Variants in NEK1 observed in about 807,000 individuals in gnomAD.
NEK1 encodes the protein serine/threonine-protein kinase Nek1.
Under a neutral mutation model 182.1 loss-of-function variants are expected in NEK1, and 137 were observed. That is an observed-to-expected ratio of 0.75 (90% CI 0.65 to 0.87). The LOEUF (loss-of-function observed/expected upper bound fraction) is 0.87, where lower values mean the gene tolerates loss of function less well. Ranked by LOEUF, NEK1 falls within the 40% of genes least tolerant of loss-of-function variation. The pLI is 0.00. For missense variants in NEK1, 1,391 were observed against 1,494.4 expected (o/e 0.93, Z 1.14); for synonymous variants, 513 against 492.2 (o/e 1.04, Z -0.56).
chr4:169,444,449 A>G (rs969685409), intron 27 of NEK1, among the ~76,000 whole-genome samples: 1 of 152,188 alleles, frequency 6.6e-6, no homozygotes, highest in African/African-American at 2.4e-5. Context: ...ACAAAAAAAG[A>G]GTGGGAGAAG....
At chr4:169,459,772 C>G (rs561371662) in intron 27 of NEK1, among the ~76,000 whole-genome samples, 30 of 152,184 alleles carry the variant, frequency 2.0e-4, no homozygotes, top group South Asian at 4.1e-4. Flanking sequence ...GTGAAACCAT[C>G]CAATCTGAAA....
rs34324114 is a variant in NEK1 at position 169,477,323 on chromosome 4, A to C, written c.2235T>G (p.Asn745Lys). ...CATCTTCTTGAGCTTTAAGATTTTC[A>C]TTTAATCTACGAAGTATTTCTCGCT... is the stretch of plus-strand genomic sequence containing the variant. ...SSKREILRRL[N>K]ENLKAQEDEK... Residue 745 changes from asparagine to lysine, a missense_variant, in exon 26 of 36, where the codon AAT (asparagine) becomes AAG (lysine). Asn to Lys is a moderately conservative substitution (Grantham distance 94). Transcript: ENST00000507142. 8,332 of 1,578,452 alleles carry C rather than the reference A, an allele frequency of 5.3e-3. 42 individuals carry two copies. Among genetic ancestry groups the C allele is most frequent in the Non-Finnish European group, 6.0e-3 (6,906 of 1,160,224 alleles).
At chr4:169,414,189 A>G (rs1191118932) in intron 31 of NEK1, among the ~76,000 whole-genome samples, 1 of 152,198 alleles carries the variant, frequency 6.6e-6, no homozygotes, top group Non-Finnish European at 1.5e-5. Flanking sequence ...AAAAAATATT[A>G]ATAATTGTGA....
intron 23 of NEK1, among the ~76,000 whole-genome samples, chr4:169,489,186 C>T (rs1378265042): frequency 9.9e-5 from 15 of 152,106 alleles, no homozygotes; most frequent in Admixed American, 9.8e-4. Context: ...TGTTACTATT[C>T]ACCAGGTACC....
At position 169,441,160 on chromosome 4, in the gene NEK1, G is replaced by GC. The variant is rs1561192468; in HGVS notation, c.2588-2902dup. On this transcript the variant is annotated intron_variant, in intron 27 of 35. Transcript: ENST00000507142. The stretch of plus-strand genomic sequence containing the variant: ...TGCCCCTGGGAAAAAGGGAGCTGAA[G>GC]CATGTGCTCCCCAGAGCCTGGGAGC... Among the ~76,000 whole-genome samples the GC allele has an allele frequency of 1.2e-4, 19 of 152,342 alleles. 1 individual carries two copies. The South Asian group carries it at 3.9e-3, about 32-fold the overall frequency.
chr4:169,587,620 A>G lies in NEK1; in HGVS notation c.552-7T>C. 6.6e-7 allele frequency: 1 copy of G among 1,521,560 alleles called. No homozygotes were observed. Among genetic ancestry groups the G allele is most frequent in the Non-Finnish European group, 8.9e-7 (1 of 1,122,364 alleles). The allele number at this position is 1,521,560 out of a possible 1,614,324, so 94.3% of individuals were successfully genotyped here. A position where few individuals can be genotyped will look rare whatever the true frequency, so the allele number is the denominator to read the frequency against. ...CCCCAGAGCCCAAATGTCACTGGAG[A>G]AGATAAAAATGAGAAATTTCCTCTA... On this transcript the variant is annotated splice_region_variant and splice_polypyrimidine_tract_variant and intron_variant, in intron 8 of 35. Transcript: ENST00000507142.
In NEK1 at chr4:169,580,446, G is replaced by A. The variant is rs528253283; in HGVS notation, c.868+396C>T. 1.2e-3 allele frequency among the ~76,000 whole-genome samples: 170 copies of A among 140,232 alleles called. 2 individuals carry two copies. The highest frequency in any genetic ancestry group is 4.2e-3 in the African/African-American group (155 of 37,062). The allele number at this position is 140,232 out of a possible 152,430, so 92.0% of individuals were successfully genotyped here. A position where few individuals can be genotyped will look rare whatever the true frequency, so the allele number is the denominator to read the frequency against. ...TGGGAAGCGGAGGTTGCAGTGAGCC[G>A]AGATTGTGCCACTGCGCTCCAGCCT... On this transcript the variant is annotated intron_variant, in intron 11 of 35. Transcript: ENST00000507142.
intron 19 of NEK1, among the ~76,000 whole-genome samples, chr4:169,515,184 T>G (rs150626520): frequency 2.0e-4 from 30 of 152,304 alleles, no homozygotes; most frequent in African/African-American, 7.0e-4. Context: ...GTTCTCTATA[T>G]TTGTAAAGGT....
At chr4:169,496,148 T>G (rs2149637696) in intron 23 of NEK1, among the ~76,000 whole-genome samples, 1 of 152,298 alleles carries the variant, frequency 6.6e-6, no homozygotes, top group Middle Eastern at 3.4e-3. Flanking sequence ...GCTAGGTATT[T>G]TATACTCTTT....
At chr4:169,430,177 T>C (rs934129824) in intron 29 of NEK1, among the ~76,000 whole-genome samples, 1 of 152,088 alleles carries the variant, frequency 6.6e-6, no homozygotes, top group Admixed American at 6.6e-5. Context: ...AGGAGCTTTT[T>C]TTGTTTTTGT....
chr4:169,492,890 C>T (rs935800156), intron 23 of NEK1, among the ~76,000 whole-genome samples: 1 of 152,164 alleles, frequency 6.6e-6, no homozygotes, highest in African/African-American at 2.4e-5. Context: ...CAGCACTAAC[C>T]ACTGAAGGGG....
intron 10 of NEK1, among the ~76,000 whole-genome samples, chr4:169,584,155 C>T (rs2150066122): frequency 6.6e-6 from 1 of 151,916 alleles, no homozygotes; most frequent in East Asian, 1.9e-4. Flanking sequence ...CTTCAAAAAT[C>T]TTGTGAAATT....
At chr4:169,492,713 G>A (rs1213379233) in intron 23 of NEK1, among the ~76,000 whole-genome samples, 5 of 152,086 alleles carry the variant, frequency 3.3e-5, no homozygotes, top group East Asian at 1.9e-4. Context: ...ACCACCACCC[G>A]CAGACATACT....
intron 33 of NEK1, among the ~76,000 whole-genome samples, chr4:169,401,437 T>A (rs548379360): frequency 6.6e-6 from 1 of 151,974 alleles, no homozygotes; most frequent in East Asian, 1.9e-4. Context: ...AAAAAAGCAT[T>A]GACATAATAG....
chr4:169,396,200 T>C (rs1730659770), intron 35 of NEK1, among the ~76,000 whole-genome samples: 1 of 151,278 alleles, frequency 6.6e-6, no homozygotes, highest in Admixed American at 6.6e-5. Flanking sequence ...ACCCTGTCTC[T>C]ACTAAAAATA....
At chr4:169,513,762 AT>A (rs1554054523) in intron 19 of NEK1, among the ~76,000 whole-genome samples, 2 of 152,080 alleles carry the variant, frequency 1.3e-5, no homozygotes, top group South Asian at 4.2e-4. Context: ...GACAGTTATT[AT>A]TTTTTTAAAT....
chr4:169,581,642 A>G (rs997918638), intron 10 of NEK1, among the ~76,000 whole-genome samples: 4 of 152,192 alleles, frequency 2.6e-5, no homozygotes, highest in Admixed American at 1.3e-4. Flanking sequence ...TAATGTAATG[A>G]ACAAGGTAGG....
chr4:169,538,531 T>C (rs1402589681), intron 18 of NEK1, among the ~76,000 whole-genome samples: 6 of 152,196 alleles, frequency 3.9e-5, no homozygotes, highest in African/African-American at 1.4e-4. Context: ...ATGCTGATCT[T>C]AGACTATAAA....
At position 169,585,427 on chromosome 4, in the gene NEK1, A is replaced by C. The variant is rs745979601; in HGVS notation, c.729T>G (p.Pro243=). 1.2e-6 allele frequency: 2 copies of C among 1,613,700 alleles called. No individual in the cohort carries two copies. Among genetic ancestry groups the C allele is most frequent in the Non-Finnish European group, 1.7e-6 (2 of 1,179,696 alleles). The part of the protein sequence containing the change: ...SLVSQLFKRN[P]RDRPSVNSIL... ...TGGAGTTGACTGATGGTCTATCCCT[A>C]GGATTTCTTTTAAATAACTGAGACA... Residue 243 remains proline (P), a synonymous_variant, in exon 10 of 36, where the codon CCT becomes CCG. Transcript: ENST00000507142.
Sources: gnomAD v4.1 joint callset for allele counts (sites outside exome capture counted in the v4.1 genomes callset) on GRCh38, gnomAD v4.1.1 for gene constraint, MANE v1.5 for transcripts, NCBI Gene and HGNC (gene_info 2026-07-23, HGNC 2026-07-21) for gene names.